Variants in FGF14 observed in about 807,000 individuals in gnomAD.
FGF14 encodes the protein fibroblast growth factor 14.
Under a neutral mutation model 25.5 loss-of-function variants are expected in FGF14, and 5 were observed. The ratio of observed to expected loss-of-function variants is 0.20; its 90% CI spans 0.10 to 0.41. The LOEUF (loss-of-function observed/expected upper bound fraction) is 0.41, where lower values mean the gene tolerates loss of function less well. Ranked by LOEUF, FGF14 falls within the 10% of genes least tolerant of loss-of-function variation. FGF14 has a pLI of 1.00. For missense variants in FGF14, 222 were observed against 320.1 expected, an observed-to-expected ratio of 0.69 and a Z score of 2.34; for synonymous variants, 138 against 118.3, an observed-to-expected ratio of 1.17 and a Z score of -1.08.
intron 1 of FGF14, among the ~76,000 whole-genome samples, chr13:102,161,603 AGAAGAAGAAGAAGAAGAAGAAGAAGAAG>A (rs2047680346): frequency 1.9e-4 from 1 of 5,148 alleles, no homozygotes; most frequent in Admixed American, 2.7e-3. Flanking sequence ...AAGAAGAAGA[AGAAGAAGAAGAAGAAGAAGAAGAAGAAG>A]AAGAAGAAGA....
chr13:101,975,326 C>T (rs945694672), intron 1 of FGF14, among the ~76,000 whole-genome samples: 1 of 152,180 alleles, frequency 6.6e-6, no homozygotes, highest in African/African-American at 2.4e-5. Flanking sequence ...CTCCTCACAT[C>T]AGTACCTTCA....
intron 1 of FGF14, among the ~76,000 whole-genome samples, chr13:102,102,805 ACACAAAAG>A (rs1193556702): frequency 6.6e-6 from 1 of 152,224 alleles, no homozygotes; most frequent in African/African-American, 2.4e-5. Flanking sequence ...TCAAAGAGTA[ACACAAAAG>A]CACAAAAGTA....
At chr13:101,842,872 T>A (rs1161978170) in intron 3 of FGF14, among the ~76,000 whole-genome samples, 1 of 152,062 alleles carries the variant, frequency 6.6e-6, no homozygotes, top group Non-Finnish European at 1.5e-5. Flanking sequence ...TAATTTATCC[T>A]CCAAGCTGGG....
intron 3 of FGF14, among the ~76,000 whole-genome samples, chr13:101,832,175 T>A (rs73557496): frequency 4.6e-5 from 7 of 151,578 alleles, no homozygotes; most frequent in African/African-American, 1.7e-4. Context: ...GAGGCAGAGA[T>A]TGAGTGATGT....
chr13:101,986,306 G>T (rs1422596328), intron 1 of FGF14, among the ~76,000 whole-genome samples: 1 of 151,982 alleles, frequency 6.6e-6, no homozygotes, highest in African/African-American at 2.4e-5. Flanking sequence ...AAACCTTTCC[G>T]GTTTGTGATG....
chr13:102,370,017 G>C (rs1389403987), intron 1 of FGF14, among the ~76,000 whole-genome samples: 1 of 151,402 alleles, frequency 6.6e-6, no homozygotes, highest in Non-Finnish European at 1.5e-5. Flanking sequence ...TTTGAGACAA[G>C]GTCTTGCTTT....
intron 3 of FGF14, among the ~76,000 whole-genome samples, chr13:101,731,344 C>G (rs1176116397): frequency 6.6e-6 from 1 of 152,142 alleles, no homozygotes; most frequent in Non-Finnish European, 1.5e-5. Context: ...CTCACCTTGC[C>G]TCCTTGACTA....
chr13:101,997,871 T>C (rs2039274513), intron 1 of FGF14, among the ~76,000 whole-genome samples: 1 of 152,178 alleles, frequency 6.6e-6, no homozygotes, highest in African/African-American at 2.4e-5. Context: ...AGTTTTTAAA[T>C]TTTTTACATT....
intron 1 of FGF14, among the ~76,000 whole-genome samples, chr13:102,349,403 C>T (rs1228854142): frequency 1.3e-5 from 2 of 152,194 alleles, no homozygotes; most frequent in East Asian, 3.8e-4. Flanking sequence ...ACACAACCCT[C>T]TCAGCTACAT....
rs2035025771 is a variant in FGF14 at position 101,722,006 on chromosome 13, A to T, written c.*825T>A. The T allele has an allele frequency of 6.6e-6, 1 of 151,996 alleles. No homozygotes were observed. The highest frequency in any genetic ancestry group is 6.6e-5 in the Admixed American group (1 of 15,238). The allele number at this position is 151,996 out of a possible 1,614,324, so 9.4% of individuals were successfully genotyped here. On this transcript the variant is annotated 3_prime_UTR_variant, in exon 5 of 5. Transcript: ENST00000376143. ...CAAGGCAAATGTTACCATTACCAGT[A>T]AGCTTGTGATATGTATAAAACACAC...
chr13:102,115,202 TG>T (rs981891059), intron 1 of FGF14, among the ~76,000 whole-genome samples: 3 of 152,138 alleles, frequency 2.0e-5, no homozygotes, highest in African/African-American at 7.2e-5. Flanking sequence ...GAGGTTACCC[TG>T]GGGGAACAGG....
chr13:101,749,091 T>C (rs2037091767), intron 3 of FGF14, among the ~76,000 whole-genome samples: 1 of 152,096 alleles, frequency 6.6e-6, no homozygotes, highest in South Asian at 2.1e-4. Flanking sequence ...TCCACTTATA[T>C]GAGGTAACTA....
At chr13:102,035,437 T>C (rs2041423388) in intron 1 of FGF14, among the ~76,000 whole-genome samples, 1 of 152,144 alleles carries the variant, frequency 6.6e-6, no homozygotes, top group Non-Finnish European at 1.5e-5. Context: ...ATTTCAATAC[T>C]AATTAGCTAC....
At chr13:102,148,797 ATAAT>A (rs1422566271) in intron 1 of FGF14, among the ~76,000 whole-genome samples, 2 of 152,180 alleles carry the variant, frequency 1.3e-5, no homozygotes, top group Admixed American at 6.5e-5. Flanking sequence ...TCTCAAAAAA[ATAAT>A]TAATTAATTT....
chr13:102,064,371 C>CA (rs1221395601), intron 1 of FGF14, among the ~76,000 whole-genome samples: 1 of 152,042 alleles, frequency 6.6e-6, no homozygotes, highest in Non-Finnish European at 1.5e-5. Context: ...GGTTCCTAGT[C>CA]AGAGTACACT....
chr13:102,156,920 GAATAA>G (rs2047370139), intron 1 of FGF14, among the ~76,000 whole-genome samples: 1 of 152,140 alleles, frequency 6.6e-6, no homozygotes, highest in Admixed American at 6.5e-5. Context: ...GCTTCAAAGA[GAATAA>G]AATACTTAGG....
intron 3 of FGF14, among the ~76,000 whole-genome samples, chr13:101,799,718 A>G (rs1386104866): frequency 6.6e-6 from 1 of 152,146 alleles, no homozygotes; most frequent in African/African-American, 2.4e-5. Flanking sequence ...AAAGTCTACT[A>G]TTCTTAGGAT....
chr13:102,293,032 T>C (rs1184834691), intron 1 of FGF14: 1 of 152,284 alleles, frequency 6.6e-6, no homozygotes, highest in African/African-American at 2.4e-5. Flanking sequence ...GAAAGCAAGA[T>C]GATTGACAGG....
At chr13:102,049,532 G>A (rs530366474) in intron 1 of FGF14, among the ~76,000 whole-genome samples, 2 of 152,172 alleles carry the variant, frequency 1.3e-5, no homozygotes, top group Middle Eastern at 3.4e-3. Flanking sequence ...AATAAACATT[G>A]TTTGCTTGCC....
Sources: allele counts gnomAD v4.1 joint callset (sites outside exome capture counted in the v4.1 genomes callset), GRCh38; gene constraint gnomAD v4.1.1; transcripts MANE v1.5; gene names NCBI Gene and HGNC (gene_info 2026-07-23, HGNC 2026-07-21).